The following DYNC2H1 variants were observed in gnomAD, a reference collection of about 807,000 sequenced individuals.
The protein encoded by DYNC2H1 is cytoplasmic dynein 2 heavy chain 1.
Under a neutral mutation model 570.0 loss-of-function variants are expected in DYNC2H1, and 410 were observed. The ratio of observed to expected loss-of-function variants is 0.72; its 90% CI spans 0.66 to 0.78. The LOEUF (loss-of-function observed/expected upper bound fraction) is 0.78, where lower values mean the gene tolerates loss of function less well. Ranked by LOEUF, DYNC2H1 falls within the 30% of genes least tolerant of loss-of-function variation. The pLI, the probability that DYNC2H1 is intolerant of heterozygous loss-of-function variation, is 0.00. For missense variants in DYNC2H1, 4,865 were observed against 5,046.4 expected (o/e 0.96, Z 1.09); for synonymous variants, 1,688 against 1,677.6 (o/e 1.01, Z -0.15).
intron 50 of DYNC2H1, among the ~76,000 whole-genome samples, chr11:103,202,769 T>C (rs1284924755): frequency 1.3e-5 from 2 of 152,182 alleles, no homozygotes; most frequent in Admixed American, 6.6e-5. Flanking sequence ...TGTAAACATA[T>C]TGGCTTAACA....
At chr11:103,296,632 A>G (rs1036574784) in intron 75 of DYNC2H1, among the ~76,000 whole-genome samples, 4 of 152,124 alleles carry the variant, frequency 2.6e-5, no homozygotes, top group African/African-American at 7.2e-5. Context: ...CTGACTGTGA[A>G]TGAATGTCTT....
In DYNC2H1 at chr11:103,133,813, T is replaced by G. The variant is rs914811956; in HGVS notation, c.2106+106T>G. 52 of 1,218,890 alleles carry G rather than the reference T, an allele frequency of 4.3e-5. No individual in the cohort carries two copies. Among genetic ancestry groups the G allele is most frequent in the Non-Finnish European group, 5.7e-5 (51 of 899,150 alleles). 75.5% of individuals were successfully genotyped at this position (1,218,890 alleles called of 1,614,324 possible). On this transcript the variant is annotated intron_variant, in intron 14 of 88. Transcript: ENST00000375735. This position sits in a 1 kb window ranked among gnomAD's most constrained non-coding sequence, Gnocchi z 4.8. The stretch of plus-strand genomic sequence containing the variant: ...TTTTGAAATAATTTGAGACTTAAAG[T>G]TACAAAAATAGTACAGAGAAATCAC...
intron 85 of DYNC2H1, among the ~76,000 whole-genome samples, chr11:103,438,928 G>C (rs1944160393): frequency 6.6e-6 from 1 of 152,028 alleles, no homozygotes; most frequent in Non-Finnish European, 1.5e-5. Flanking sequence ...AGGATCGCTT[G>C]AGCCCAAGAG....
intron 88 of DYNC2H1, among the ~76,000 whole-genome samples, chr11:103,473,846 G>GATC (rs1213699458): frequency 1.3e-5 from 2 of 152,118 alleles, no homozygotes; most frequent in African/African-American, 2.4e-5. Context: ...CATGAGGCTG[G>GATC]ATCTTCTGAT....
chr11:103,247,290 G>T (rs1351463450), intron 65 of DYNC2H1, among the ~76,000 whole-genome samples: 3 of 152,078 alleles, frequency 2.0e-5, no homozygotes, highest in East Asian at 1.9e-4. Flanking sequence ...AAACATTTGT[G>T]GTTGATTCTT....
At chr11:103,351,061 A>G (rs532669343) in intron 82 of DYNC2H1, among the ~76,000 whole-genome samples, 21 of 152,270 alleles carry the variant, frequency 1.4e-4, no homozygotes, top group African/African-American at 5.1e-4. Context: ...ACTTGAAGTA[A>G]TAATGTTTTC....
intron 83 of DYNC2H1, among the ~76,000 whole-genome samples, chr11:103,359,410 G>A (rs1278902820): frequency 6.6e-6 from 1 of 152,088 alleles, no homozygotes; most frequent in South Asian, 2.1e-4. Flanking sequence ...GTGTCATTTA[G>A]ACTTCCTTGC....
rs75275274 is a variant in DYNC2H1, at chr11:103,303,473, G to A, written c.11256+220G>A. 5.6e-4 allele frequency among the ~76,000 whole-genome samples: 85 copies of A among 152,204 alleles called. No homozygotes were observed. The East Asian group carries it at 0.015, about 27-fold the overall frequency. On this transcript the variant is annotated intron_variant, in intron 76 of 88. Transcript: ENST00000375735. ...CAGATGGGAAGAGTAGCCTGGATTAGCCAGGTGGACCCAATATAAAATCAC... is the reference window on the plus strand; with the variant it reads ...CAGATGGGAAGAGTAGCCTGGATTAACCAGGTGGACCCAATATAAAATCAC...
At chr11:103,140,110 C>T (rs551492391) in intron 17 of DYNC2H1, among the ~76,000 whole-genome samples, 77 of 152,276 alleles carry the variant, frequency 5.1e-4, no homozygotes, top group Middle Eastern at 3.4e-3. Flanking sequence ...TATGTTGTCT[C>T]TGCACGTGAG....
chr11:103,297,284 C>A (rs916127932), intron 75 of DYNC2H1, among the ~76,000 whole-genome samples: 2 of 152,008 alleles, frequency 1.3e-5, no homozygotes. Context: ...CCCAAAAGTA[C>A]AGTCATGTGT....
At chr11:103,218,234 G>A (rs150303503) in intron 55 of DYNC2H1, among the ~76,000 whole-genome samples, 104 of 152,272 alleles carry the variant, frequency 6.8e-4, no homozygotes, top group African/African-American at 2.4e-3. Flanking sequence ...TGAGAGAAAT[G>A]AAAACGTGAT....
rs1241054312 is a variant in DYNC2H1, at chr11:103,249,947, A to G, written c.10043-3338A>G. Among the ~76,000 whole-genome samples the G allele has an allele frequency of 6.6e-6, 1 of 152,058 alleles. No homozygotes were observed. Among genetic ancestry groups the G allele is most frequent in the Non-Finnish European group, 1.5e-5 (1 of 67,970 alleles). ...AAAGTACATTTTTCTTGAATTATTT[A>G]TAAATCGCCTAACACAAGCCAAAAT... is the stretch of plus-strand genomic sequence containing the variant. On this transcript the variant is annotated intron_variant, in intron 65 of 88. Coordinates refer to ENST00000375735, the MANE Select transcript of DYNC2H1 (RefSeq NM_001377.3). This position sits in a 1 kb window ranked among gnomAD's most constrained non-coding sequence, Gnocchi z 4.6.
At chr11:103,297,217 A>C (rs932342266) in intron 75 of DYNC2H1, among the ~76,000 whole-genome samples, 1 of 152,182 alleles carries the variant, frequency 6.6e-6, no homozygotes, top group Admixed American at 6.5e-5. Flanking sequence ...TAATGTGATC[A>C]GTACAGAACT....
chr11:103,391,287 A>G (rs1315759656), intron 83 of DYNC2H1, among the ~76,000 whole-genome samples: 1 of 152,150 alleles, frequency 6.6e-6, no homozygotes, highest in Non-Finnish European at 1.5e-5. Flanking sequence ...AGTTGATTGA[A>G]TTGGCTACTG....
rs2135276519 is a variant in DYNC2H1 at position 103,261,036 on chromosome 11, T to C, written c.10695+1059T>C. On this transcript the variant is annotated intron_variant, in intron 70 of 88. Coordinates refer to ENST00000375735, the MANE Select transcript of DYNC2H1 (RefSeq NM_001377.3). This position sits in a 1 kb window ranked among gnomAD's most constrained non-coding sequence, Gnocchi z 4.8. ...ATAGAATTATTATGGTTCAATTATA[T>C]AGGCTTCTTAGAAAGTGTTGAAAAA... 6.6e-6 allele frequency among the ~76,000 whole-genome samples: 1 copy of C among 152,292 alleles called. No homozygotes were observed. The highest frequency in any genetic ancestry group is 2.4e-5 in the African/African-American group (1 of 41,566).
At position 103,239,369 on chromosome 11, in the gene DYNC2H1, A is replaced by G. The variant is rs908004991; in HGVS notation, c.9819+2830A>G. Among the ~76,000 whole-genome samples the G allele has an allele frequency of 1.1e-4, 16 of 152,218 alleles. No homozygotes were observed. The highest frequency in any genetic ancestry group is 3.9e-4 in the African/African-American group (16 of 41,460). ...TAGGAAAAAGTTTTTCAATCCTTACATAAGTAATAACAATAATCAATACTT... is the reference window on the plus strand; with the variant it reads ...TAGGAAAAAGTTTTTCAATCCTTACGTAAGTAATAACAATAATCAATACTT... On this transcript the variant is annotated intron_variant, in intron 63 of 88. Transcript: ENST00000375735. This position sits in a 1 kb window ranked among gnomAD's most constrained non-coding sequence, Gnocchi z 4.3.
intron 60 of DYNC2H1, among the ~76,000 whole-genome samples, chr11:103,232,416 C>T (rs1038696174): frequency 2.0e-5 from 3 of 151,764 alleles, no homozygotes; most frequent in Non-Finnish European, 4.4e-5. Context: ...TGCTCTTAAC[C>T]ATTGCACCAT....
intron 84 of DYNC2H1, among the ~76,000 whole-genome samples, chr11:103,426,674 T>C (rs1943684172): frequency 1.3e-5 from 2 of 152,188 alleles, no homozygotes; most frequent in Non-Finnish European, 2.9e-5. Flanking sequence ...AAACTGATGA[T>C]TGTTATCTAG....
Position 103,204,942 on chromosome 11 carries a change from G to T in DYNC2H1, c.8432G>T (p.Trp2811Leu). ...KKCQVLWMEGWSNSSMKKIPE... is the reference protein window; with the variant it reads ...KKCQVLWMEGLSNSSMKKIPE... ...TGCCAGGTGTTGTGGATGGAGGGTTGGTCCAATAGCAGTATGAAGAAAGTA... is the reference window on the plus strand; with the variant it reads ...TGCCAGGTGTTGTGGATGGAGGGTTTGTCCAATAGCAGTATGAAGAAAGTA... The change falls in exon 52 of 89, where the codon TGG (tryptophan) becomes TTG (leucine). Residue 2811 changes from tryptophan to leucine, a missense_variant. By Grantham distance (61) the Trp-to-Leu change is moderately conservative (BLOSUM62 -2). Coordinates refer to ENST00000375735, the MANE Select transcript of DYNC2H1 (RefSeq NM_001377.3). The surrounding 1 kb of genome is among the most constrained non-coding windows in gnomAD (Gnocchi z 4.1). 6.3e-7 allele frequency: 1 copy of T among 1,588,662 alleles called. No homozygotes were observed. The highest frequency in any genetic ancestry group is 8.6e-7 in the Non-Finnish European group (1 of 1,166,284).
Sources: gnomAD v4.1 joint callset for allele counts (sites outside exome capture counted in the v4.1 genomes callset) on GRCh38, gnomAD v4.1.1 for gene constraint, Gnocchi (gnomAD v3.1) non-coding constraint, MANE v1.5 for transcripts, NCBI Gene and HGNC (gene_info 2026-07-23, HGNC 2026-07-21) for gene names.